The following CACNA1E variants were observed in gnomAD, a reference collection of about 807,000 sequenced individuals.
CACNA1E encodes the protein calcium voltage-gated channel subunit alpha1 E.
CACNA1E carries 40 observed loss-of-function variants against 259.2 expected under a neutral mutation model. The ratio of observed to expected loss-of-function variants is 0.15; its 90% CI spans 0.12 to 0.20. CACNA1E has a LOEUF of 0.20. Among genes scored for constraint, CACNA1E ranks in the 10% least tolerant of loss-of-function variants. The pLI is 1.00. For synonymous variants in CACNA1E, 1,104 were observed against 1,138.5 expected, an observed-to-expected ratio of 0.97 and a Z score of 0.61; for missense variants, 1,874 against 3,040.1, an observed-to-expected ratio of 0.62 and a Z score of 9.02.
At chr1:181,713,345 C>G (rs547990554) in intron 8 of CACNA1E, among the ~76,000 whole-genome samples, 1 of 152,140 alleles carries the variant, frequency 6.6e-6, no homozygotes, top group Non-Finnish European at 1.5e-5. Flanking sequence ...TTAAATGATG[C>G]CCTCCAAACA....
At position 181,721,738 on chromosome 1, in the gene CACNA1E, C is replaced by G; in HGVS notation, c.1957-20C>G. 6.6e-7 allele frequency: 1 copy of G among 1,523,970 alleles called. No homozygotes were observed. Among genetic ancestry groups the G allele is most frequent in the Non-Finnish European group, 9.1e-7 (1 of 1,098,810 alleles). 94.4% of individuals were successfully genotyped at this position (1,523,970 alleles called of 1,614,324 possible). A position where few individuals can be genotyped will look rare whatever the true frequency, so the allele number is the denominator to read the frequency against. On this transcript the variant is annotated intron_variant, in intron 15 of 47. Transcript: ENST00000367573. Reference sequence around the variant, plus strand: ...CCTCCAGCCCAGGTTTCTGATGCGCCTGTCATTTGCTTTTTGTAGATCCTG... The same window carrying G: ...CCTCCAGCCCAGGTTTCTGATGCGCGTGTCATTTGCTTTTTGTAGATCCTG...
intron 2 of CACNA1E, among the ~76,000 whole-genome samples, chr1:181,434,709 G>A (rs549628193): frequency 2.0e-5 from 3 of 152,208 alleles, no homozygotes; most frequent in African/African-American, 4.8e-5. Context: ...GAAGCAGGGA[G>A]CGCAGGGGGT....
intron 3 of CACNA1E, among the ~76,000 whole-genome samples, chr1:181,547,225 T>G (rs1431573138): frequency 2.6e-5 from 4 of 152,132 alleles, no homozygotes; most frequent in African/African-American, 9.7e-5. Flanking sequence ...GCAGTGCTCA[T>G]GCCTGCCCCC....
chr1:181,772,683 A>G (rs1341174803), intron 37 of CACNA1E, among the ~76,000 whole-genome samples: 1 of 152,166 alleles, frequency 6.6e-6, no homozygotes, highest in East Asian at 1.9e-4. Flanking sequence ...TACCTTGAAA[A>G]TGCAAGGTTA....
Position 181,510,458 on chromosome 1 carries a change from C to T in CACNA1E, c.267-19C>T, listed in dbSNP as rs1558070579. On this transcript the variant is annotated intron_variant, in intron 1 of 47. Transcript: ENST00000367573. ...GTGTCCCTCTCTGGTGAATTTGTTC[C>T]TTAACTCCGCTTTCCCACGCCATTT... 1 of 1,587,064 alleles carries T rather than the reference C, an allele frequency of 6.3e-7. No individual in the cohort carries two copies. The highest frequency in any genetic ancestry group is 1.1e-5 in the South Asian group (1 of 90,464).
chr1:181,346,500 C>T (rs1232914736), intron 1 of CACNA1E, among the ~76,000 whole-genome samples: 1 of 152,142 alleles, frequency 6.6e-6, no homozygotes, highest in South Asian at 2.1e-4. Context: ...TATTTTGAGA[C>T]CTTGTCACTT....
intron 1 of CACNA1E, among the ~76,000 whole-genome samples, chr1:181,329,482 C>T (rs991886728): frequency 6.6e-6 from 1 of 152,210 alleles, no homozygotes; most frequent in African/African-American, 2.4e-5. Context: ...ACTTTGCTCT[C>T]TATCACCCAC....
chr1:181,442,018 C>T (rs1486869133), intron 2 of CACNA1E, among the ~76,000 whole-genome samples: 1 of 152,186 alleles, frequency 6.6e-6, no homozygotes, highest in African/African-American at 2.4e-5. Context: ...GTTGTCAACA[C>T]AATCACAGTA....
intron 1 of CACNA1E, among the ~76,000 whole-genome samples, chr1:181,498,076 CT>C (rs1174423023): frequency 1.3e-5 from 2 of 152,114 alleles, no homozygotes; most frequent in Admixed American, 1.3e-4. Context: ...AGTCCATTTT[CT>C]TTTTTCCGGT....
intron 6 of CACNA1E, among the ~76,000 whole-genome samples, chr1:181,635,289 G>A (rs1353716158): frequency 6.6e-6 from 1 of 152,270 alleles, no homozygotes; most frequent in East Asian, 1.9e-4. Context: ...TTGTGGGAGG[G>A]GCTGTACCTG....
intron 3 of CACNA1E, among the ~76,000 whole-genome samples, chr1:181,575,528 AT>A (rs1650881373): frequency 6.6e-6 from 1 of 151,230 alleles, no homozygotes; most frequent in East Asian, 1.9e-4. Context: ...TCCCTCTACC[AT>A]TTTTCCCCTC....
At chr1:181,433,437 T>A (rs1400910956) in intron 2 of CACNA1E, among the ~76,000 whole-genome samples, 1 of 152,236 alleles carries the variant, frequency 6.6e-6, no homozygotes, top group East Asian at 1.9e-4. Context: ...GGCCATTTCA[T>A]GTTCTCTTAA....
intron 3 of CACNA1E, among the ~76,000 whole-genome samples, chr1:181,573,756 C>A (rs1650657739): frequency 1.3e-5 from 2 of 152,186 alleles, no homozygotes; most frequent in South Asian, 4.1e-4. Context: ...TACCATTTGA[C>A]CCAGCAATCC....
chr1:181,504,426 T>C (rs1427995914), intron 1 of CACNA1E, among the ~76,000 whole-genome samples: 1 of 152,216 alleles, frequency 6.6e-6, no homozygotes, highest in African/African-American at 2.4e-5. Context: ...TCGGATGTCA[T>C]AGGCTCTGGG....
intron 38 of CACNA1E, among the ~76,000 whole-genome samples, chr1:181,780,419 G>A (rs540351345): frequency 7.5e-4 from 114 of 152,322 alleles, no homozygotes; most frequent in African/African-American, 2.5e-3. Context: ...GGCCAAGCCT[G>A]CTAGGTAAGG....
intron 7 of CACNA1E, among the ~76,000 whole-genome samples, chr1:181,663,493 A>G (rs1647892906): frequency 6.6e-6 from 1 of 152,164 alleles, no homozygotes. Context: ...ATCGCTCCTG[A>G]TATCTTAGTG....
chr1:181,776,022 T>G lies in CACNA1E; in HGVS notation c.5140-79T>G, dbSNP rs1303669690. The G allele has an allele frequency of 1.5e-5, 20 of 1,378,152 alleles. No homozygotes were observed. The highest frequency in any genetic ancestry group is 2.0e-5 in the Admixed American group (1 of 50,964). 85.4% of individuals were successfully genotyped at this position (1,378,152 alleles called of 1,614,324 possible). ...TCGTTTGCTAAAACACCCTCCTCCA[T>G]GCCCTGAAGCCTGTTCTTCTGCTTC... On this transcript the variant is annotated intron_variant, in intron 37 of 47. Coordinates refer to ENST00000367573, the MANE Select transcript of CACNA1E (RefSeq NM_001205293.3). The surrounding 1 kb of genome is among the most constrained non-coding windows in gnomAD (Gnocchi z 4.4).
intron 2 of CACNA1E, among the ~76,000 whole-genome samples, chr1:181,435,867 C>T (rs1352187289): frequency 1.3e-5 from 2 of 152,102 alleles, no homozygotes; most frequent in East Asian, 3.9e-4. Flanking sequence ...GTGCAATAAC[C>T]TAACATTATA....
At chr1:181,523,043 G>A (rs561132752) in intron 3 of CACNA1E, among the ~76,000 whole-genome samples, 9 of 152,206 alleles carry the variant, frequency 5.9e-5, no homozygotes, top group South Asian at 2.1e-4. Context: ...AGGGTAGTAC[G>A]TGGTGTTGTG....
Sources: gnomAD v4.1 joint callset for allele counts (sites outside exome capture counted in the v4.1 genomes callset) on GRCh38, gnomAD v4.1.1 for gene constraint, Gnocchi (gnomAD v3.1) non-coding constraint, MANE v1.5 for transcripts, NCBI Gene and HGNC (gene_info 2026-07-23, HGNC 2026-07-21) for gene names.